Variants in GABRG2 observed in about 807,000 individuals in gnomAD.
GABRG2 encodes the protein gamma-aminobutyric acid receptor subunit gamma-2.
In GABRG2, 16 loss-of-function variants were observed where a neutral mutation model predicts 56.4. The observed-to-expected ratio is 0.28, with a 90% CI of 0.19 to 0.43. The LOEUF is 0.43. GABRG2 is among the 20% of genes least tolerant of loss of function. The pLI is 1.00. For missense variants in GABRG2, 327 were observed against 582.7 expected (o/e 0.56, Z 4.52); for synonymous variants, 208 against 205.5 (o/e 1.01, Z -0.10).
At chr5:162,112,311 C>A (rs945722921) in intron 6 of GABRG2, among the ~76,000 whole-genome samples, 1 of 151,688 alleles carries the variant, frequency 6.6e-6, no homozygotes, top group African/African-American at 2.4e-5. Context: ...GCTGAAAATC[C>A]TATTTTGCTA....
chr5:162,108,745 CT>C (rs1289364323), intron 6 of GABRG2, among the ~76,000 whole-genome samples: 1 of 152,080 alleles, frequency 6.6e-6, no homozygotes, highest in Non-Finnish European at 1.5e-5. Flanking sequence ...AAAAATCTGC[CT>C]GACAAGTGGG....
intron 1 of GABRG2, among the ~76,000 whole-genome samples, chr5:162,090,352 T>TAC (rs1185228228): frequency 2.7e-5 from 4 of 149,040 alleles, no homozygotes; most frequent in African/African-American, 7.4e-5. Context: ...CACATACACA[T>TAC]ACATACAGGA....
chr5:162,086,303 A>G (rs1239615255), intron 1 of GABRG2, among the ~76,000 whole-genome samples: 1 of 152,050 alleles, frequency 6.6e-6, no homozygotes, highest in African/African-American at 2.4e-5. Context: ...TTTGAAAACT[A>G]TTCATCGGGT....
At position 162,133,646 on chromosome 5, in the gene GABRG2, TGACTATG is replaced by T. The variant is rs1277839749; in HGVS notation, c.770-8513_770-8507del. Among the ~76,000 whole-genome samples, 8 of 152,256 alleles carry T rather than the reference TGACTATG, an allele frequency of 5.3e-5. No individual in the cohort carries two copies. In the South Asian group the frequency reaches 1.7e-3, roughly 32 times the overall value. On this transcript the variant is annotated intron_variant, in intron 6 of 9. Coordinates refer to ENST00000639213, the MANE Select transcript of GABRG2 (RefSeq NM_198904.4). ...CATATTTGCTGCATTTTTTTGAACTTGACTATGGACTCAGACAAATGAATAGCATTAC... is the reference window on the plus strand; with the variant it reads ...CATATTTGCTGCATTTTTTTGAACTTGACTCAGACAAATGAATAGCATTAC...
intron 6 of GABRG2, among the ~76,000 whole-genome samples, chr5:162,127,353 GT>G (rs1340035153): frequency 6.6e-6 from 1 of 151,786 alleles, no homozygotes; most frequent in Admixed American, 6.6e-5. Context: ...ATCATTCTAG[GT>G]TTATATTGGG....
At chr5:162,090,168 C>A (rs1333001677) in intron 1 of GABRG2, among the ~76,000 whole-genome samples, 1 of 151,920 alleles carries the variant, frequency 6.6e-6, no homozygotes, top group Non-Finnish European at 1.5e-5. Flanking sequence ...AGTGAATAAT[C>A]TAATATACAA....
intron 6 of GABRG2, among the ~76,000 whole-genome samples, chr5:162,105,354 C>G (rs76149855): frequency 6.6e-6 from 1 of 150,950 alleles, no homozygotes; most frequent in East Asian, 2.0e-4. Flanking sequence ...CATAGTAATG[C>G]TTGAGTATAT....
intron 1 of GABRG2, among the ~76,000 whole-genome samples, chr5:162,076,699 G>C (rs1370500721): frequency 1.3e-5 from 2 of 152,102 alleles, no homozygotes; most frequent in Non-Finnish European, 2.9e-5. Context: ...ACTCTTGATG[G>C]TCAGGTCTAT....
chr5:162,109,713 T>G (rs1762124629), intron 6 of GABRG2, among the ~76,000 whole-genome samples: 1 of 152,156 alleles, frequency 6.6e-6, no homozygotes. Context: ...ATTATATATA[T>G]TTTCCATTGC....
chr5:162,142,737 C>T (rs543725262), intron 7 of GABRG2: 149 of 309,162 alleles, frequency 4.8e-4, no homozygotes, highest in Admixed American at 3.8e-3. Flanking sequence ...CATCACACAC[C>T]GGGGCCTGTT....
intron 9 of GABRG2, chr5:162,152,554 A>G (rs1010053504): frequency 1.7e-5 from 6 of 355,968 alleles, no homozygotes; most frequent in Non-Finnish European, 3.3e-5. Flanking sequence ...CCTTTAAAAC[A>G]TAAGCCATAC....
chr5:162,129,689 G>C (rs563243845), intron 6 of GABRG2, among the ~76,000 whole-genome samples: 1 of 151,824 alleles, frequency 6.6e-6, no homozygotes, highest in African/African-American at 2.4e-5. Context: ...GCAAATAAAG[G>C]TCAAACTAAG....
chr5:162,101,827 G>C (rs1371419895), intron 5 of GABRG2: 3 of 158,998 alleles, frequency 1.9e-5, no homozygotes, highest in African/African-American at 7.2e-5. Flanking sequence ...TTATCAGATA[G>C]ATAATAGAAT....
intron 6 of GABRG2, among the ~76,000 whole-genome samples, chr5:162,105,246 T>A (rs1761715579): frequency 6.6e-6 from 1 of 152,150 alleles, no homozygotes. Flanking sequence ...AGTACCATCC[T>A]TCAAATCAAA....
At chr5:162,102,651 C>T (rs1761517481) in intron 5 of GABRG2, 2 of 451,812 alleles carry the variant, frequency 4.4e-6, no homozygotes, top group Admixed American at 2.4e-5. Context: ...CCACCTTGGC[C>T]TCCAGAGTAG....
intron 7 of GABRG2, among the ~76,000 whole-genome samples, chr5:162,145,346 G>T (rs534281423): frequency 6.6e-6 from 1 of 152,294 alleles, no homozygotes; most frequent in South Asian, 2.1e-4. Context: ...TCACCTAACT[G>T]CTTTGAGGTG....
intron 6 of GABRG2, among the ~76,000 whole-genome samples, chr5:162,128,945 G>C (rs1232628027): frequency 6.6e-6 from 1 of 151,986 alleles, no homozygotes; most frequent in Non-Finnish European, 1.5e-5. Flanking sequence ...CTGAGTCGCA[G>C]TTACAGCTGG....
intron 6 of GABRG2, among the ~76,000 whole-genome samples, chr5:162,109,909 A>G (rs1762137957): frequency 6.6e-6 from 1 of 152,066 alleles, no homozygotes; most frequent in Non-Finnish European, 1.5e-5. Flanking sequence ...TCCTGCCATC[A>G]TAACGAATCA....
At chr5:162,076,434 G>C (rs1482976909) in intron 1 of GABRG2, among the ~76,000 whole-genome samples, 1 of 152,116 alleles carries the variant, frequency 6.6e-6, no homozygotes, top group South Asian at 2.1e-4. Flanking sequence ...ACTTGTATGA[G>C]ATAAGCAAAT....
Sources: gnomAD v4.1 joint callset for allele counts (sites outside exome capture counted in the v4.1 genomes callset) on GRCh38, gnomAD v4.1.1 for gene constraint, MANE v1.5 for transcripts, NCBI Gene and HGNC (gene_info 2026-07-23, HGNC 2026-07-21) for gene names.